Variants in CDH12 observed in about 807,000 individuals in gnomAD.
The protein encoded by CDH12 is cadherin 12, also known as cadherin-12.
CDH12 carries 41 observed loss-of-function variants against 74.1 expected under a neutral mutation model. The ratio of observed to expected loss-of-function variants is 0.55; its 90% CI spans 0.43 to 0.72. CDH12 has a LOEUF of 0.72. Among genes scored for constraint, CDH12 ranks in the 30% least tolerant of loss-of-function variants. The pLI, the probability that CDH12 is intolerant of heterozygous loss-of-function variation, is 0.00. For synonymous variants in CDH12, 399 were observed against 355.0 expected, an observed-to-expected ratio of 1.12 and a Z score of -1.39; for missense variants, 945 against 977.2, an observed-to-expected ratio of 0.97 and a Z score of 0.44.
chr5:22,588,375 G>T (rs1740517687), intron 1 of CDH12, among the ~76,000 whole-genome samples: 1 of 152,046 alleles, frequency 6.6e-6, no homozygotes, highest in African/African-American at 2.4e-5. Flanking sequence ...GAATAGAAGA[G>T]ACAAAGATAT....
intron 6 of CDH12, among the ~76,000 whole-genome samples, chr5:21,867,991 G>C (rs1158030264): frequency 6.6e-6 from 1 of 152,132 alleles, no homozygotes. Context: ...TACTGTTCTC[G>C]TGGTAGTGAA....
chr5:21,938,033 A>C (rs1755152802), intron 6 of CDH12, among the ~76,000 whole-genome samples: 2 of 152,306 alleles, frequency 1.3e-5, no homozygotes, highest in South Asian at 4.1e-4. Flanking sequence ...AGACAACCCC[A>C]CATCTGTGCC....
intron 3 of CDH12, among the ~76,000 whole-genome samples, chr5:22,240,593 G>T (rs533054388): frequency 1.3e-5 from 2 of 152,300 alleles, no homozygotes; most frequent in East Asian, 3.9e-4. Flanking sequence ...GACTGCAATG[G>T]TGCGATCTCG....
At chr5:22,296,750 T>C (rs1330370289) in intron 3 of CDH12, among the ~76,000 whole-genome samples, 1 of 152,224 alleles carries the variant, frequency 6.6e-6, no homozygotes. Context: ...AAGCTGGCTC[T>C]GGTTTCAGAG....
chr5:22,665,806 C>T (rs1740584003), intron 1 of CDH12, among the ~76,000 whole-genome samples: 1 of 152,120 alleles, frequency 6.6e-6, no homozygotes, highest in African/African-American at 2.4e-5. Context: ...TTGTCTCTGG[C>T]CCAACAGTGC....
intron 3 of CDH12, among the ~76,000 whole-genome samples, chr5:22,369,715 T>C (rs374476995): frequency 3.9e-5 from 6 of 152,220 alleles, no homozygotes; most frequent in East Asian, 3.9e-4. Context: ...ACACAAAATC[T>C]CAAGCAATTT....
chr5:22,818,359 T>A (rs1276678945), intron 1 of CDH12, among the ~76,000 whole-genome samples: 1 of 152,112 alleles, frequency 6.6e-6, no homozygotes, highest in Non-Finnish European at 1.5e-5. Flanking sequence ...TGGTGTATTA[T>A]ACATCACAGC....
chr5:21,771,012 A>G (rs1745295991), intron 11 of CDH12, among the ~76,000 whole-genome samples: 2 of 152,154 alleles, frequency 1.3e-5, no homozygotes, highest in African/African-American at 4.8e-5. Flanking sequence ...CTAAACTTTG[A>G]GTACATATGA....
rs199713707 is a variant in CDH12, at chr5:21,945,752, TA to T, written c.526+29338del. Among the ~76,000 whole-genome samples the T allele has an allele frequency of 8.1e-3, 1,207 of 149,334 alleles. 10 individuals carry two copies. The highest frequency in any genetic ancestry group is 0.025 in the African/African-American group (1,033 of 40,744). On this transcript the variant is annotated intron_variant, in intron 6 of 14. Transcript: ENST00000382254. ...GTCTGAACAAGAAGAAGAAAACTGATAAAAAAAAAATTTAACAGCATTTCAG... is the reference window on the plus strand; with the variant it reads ...GTCTGAACAAGAAGAAGAAAACTGATAAAAAAAAATTTAACAGCATTTCAG...
At chr5:22,626,772 G>A (rs969260526) in intron 1 of CDH12, among the ~76,000 whole-genome samples, 4 of 152,116 alleles carry the variant, frequency 2.6e-5, no homozygotes, top group Admixed American at 1.3e-4. Context: ...GACAGACATA[G>A]AATTCAGAAT....
intron 6 of CDH12, among the ~76,000 whole-genome samples, chr5:21,927,980 G>C (rs919520410): frequency 2.0e-5 from 3 of 151,034 alleles, no homozygotes; most frequent in Non-Finnish European, 4.4e-5. Flanking sequence ...GCTGAGGCAG[G>C]AGAATGGCGT....
At chr5:21,996,316 G>A (rs1381529788) in intron 5 of CDH12, among the ~76,000 whole-genome samples, 2 of 152,076 alleles carry the variant, frequency 1.3e-5, no homozygotes, top group East Asian at 1.9e-4. Context: ...ATCAGGTATT[G>A]CAAAAATAAT....
chr5:22,005,499 G>A (rs955293613), intron 5 of CDH12, among the ~76,000 whole-genome samples: 10 of 151,170 alleles, frequency 6.6e-5, no homozygotes, highest in African/African-American at 2.4e-4. Flanking sequence ...ATATACAGCA[G>A]TGGGTCAATC....
chr5:22,607,774 A>G (rs2126821797), intron 1 of CDH12, among the ~76,000 whole-genome samples: 1 of 152,354 alleles, frequency 6.6e-6, no homozygotes, highest in East Asian at 1.9e-4. Context: ...TGCTCCAGCT[A>G]TGGCTCAAAG....
At chr5:22,278,232 T>C (rs57995295) in intron 3 of CDH12, among the ~76,000 whole-genome samples, 2,957 of 152,298 alleles carry the variant, frequency 0.019, 37 homozygotes, top group African/African-American at 0.029. Context: ...TTTAATTGAA[T>C]AAAGCATAGT....
intron 5 of CDH12, among the ~76,000 whole-genome samples, chr5:21,995,002 GGTCTGCACTACCTTTATGA>G (rs1736195233): frequency 6.6e-6 from 1 of 151,930 alleles, no homozygotes; most frequent in African/African-American, 2.4e-5. Context: ...TCACTCTTTG[GGTCTGCACTACCTTTATGA>G]GCTGTAACAC....
At chr5:22,607,531 C>G (rs1449207057) in intron 1 of CDH12, among the ~76,000 whole-genome samples, 2 of 152,212 alleles carry the variant, frequency 1.3e-5, no homozygotes, top group Non-Finnish European at 2.9e-5. Flanking sequence ...AACTTACTCA[C>G]TATCACGAGA....
chr5:22,445,341 C>T (rs1461549997), intron 2 of CDH12, among the ~76,000 whole-genome samples: 1 of 152,054 alleles, frequency 6.6e-6, no homozygotes, highest in African/African-American at 2.4e-5. Context: ...GAGGAACAAG[C>T]AGGACATGAA....
intron 5 of CDH12, among the ~76,000 whole-genome samples, chr5:22,017,437 T>C (rs763607251): frequency 2.0e-5 from 3 of 152,138 alleles, no homozygotes; most frequent in African/African-American, 7.2e-5. Flanking sequence ...AAAACTTCAA[T>C]CCAGCTGCTA....
Sources: allele counts gnomAD v4.1 joint callset (sites outside exome capture counted in the v4.1 genomes callset), GRCh38; gene constraint gnomAD v4.1.1; transcripts MANE v1.5; gene names NCBI Gene and HGNC (gene_info 2026-07-23, HGNC 2026-07-21).